The following DNAH6 variants were observed in gnomAD, a reference collection of about 807,000 sequenced individuals.
DNAH6 encodes axonemal beta dynein heavy chain 6.
DNAH6 carries 340 observed loss-of-function variants against 491.4 expected under a neutral mutation model. The ratio of observed to expected loss-of-function variants is 0.69; its 90% confidence interval spans 0.63 to 0.76. The LOEUF (loss-of-function observed/expected upper bound fraction) is 0.76, where lower values mean the gene tolerates loss of function less well. Among genes scored for constraint, DNAH6 ranks in the 30% least tolerant of loss-of-function variants. The pLI, the probability that DNAH6 is intolerant of heterozygous loss-of-function variation, is 0.00. For synonymous variants in DNAH6, 1,603 were observed against 1,686.1 expected (o/e 0.95, Z 1.21); for missense variants, 4,443 against 4,972.2 (o/e 0.89, Z 3.20).
In DNAH6 at chr2:84,694,369, T is replaced by A. The variant is rs914885350; in HGVS notation, c.7413T>A (p.Ile2471=). The part of the protein sequence containing the change: ...AHICGYKCLQ[I]ELSRGYNYDS... ...TATGCGGTTACAAATGTTTGCAGATTGAACTCAGCCGGGGATATAATTATG... is the reference window on the plus strand; with the variant it reads ...TATGCGGTTACAAATGTTTGCAGATAGAACTCAGCCGGGGATATAATTATG... Residue 2471 remains isoleucine, a synonymous_variant, in exon 46 of 77, where the codon ATT becomes ATA. Coordinates refer to ENST00000389394, the MANE Select transcript of DNAH6 (RefSeq NM_001370.2). The A allele has an allele frequency of 1.3e-6, 2 of 1,552,310 alleles. No homozygotes were observed. Among genetic ancestry groups the A allele is most frequent in the African/African-American group, 2.7e-5 (2 of 73,070 alleles).
intron 19 of DNAH6, 126 bp downstream of exon 19, chr2:84,604,677 C>T: frequency 1.4e-6 from 1 of 702,756 alleles, no homozygotes; most frequent in South Asian, 1.9e-5. Context: ...TCAGTCATCC[C>T]TCTGTTGTTT....
chr2:84,672,518 A>G (rs762124132), intron 40 of DNAH6, 34 bp downstream of exon 40: 1 of 1,520,802 alleles, frequency 6.6e-7, no homozygotes, highest in Non-Finnish European at 8.9e-7. Context: ...TGGTGTGCTT[A>G]AATTTAAATG....
chr2:84,557,251 T>A (rs4831982), intron 10 of DNAH6, among the ~76,000 whole-genome samples: 1 of 152,170 alleles, frequency 6.6e-6, no homozygotes. Flanking sequence ...TGTCCTGAAG[T>A]TAGGGCCATG....
At chr2:84,798,246 G>A (rs1465364182) in intron 70 of DNAH6, among the ~76,000 whole-genome samples, 2 of 152,084 alleles carry the variant, frequency 1.3e-5, no homozygotes, top group Non-Finnish European at 2.9e-5. Context: ...GCTCTCCCAT[G>A]ACCTAGGCCT....
At chr2:84,538,827 T>C (rs1677962653) in intron 4 of DNAH6, among the ~76,000 whole-genome samples, 1 of 152,106 alleles carries the variant, frequency 6.6e-6, no homozygotes. Flanking sequence ...AAGTACTTTT[T>C]AGGCAGCTTT....
In DNAH6 at chr2:84,578,610, A is replaced by G. The variant is rs556780553; in HGVS notation, c.2077-917A>G. ...TTGTCAAAAGCTCCACAAGCCAATT[A>G]TTTGTTTGTATGGAGAGAGACAGAG... On this transcript the variant is annotated intron_variant, in intron 13 of 76. Transcript: ENST00000389394. 6.6e-5 allele frequency among the ~76,000 whole-genome samples: 10 copies of G among 152,294 alleles called. No individual in the cohort carries two copies. In the East Asian group the frequency reaches 1.9e-3, roughly 29 times the overall value.
At chr2:84,689,311 C>G (rs1694611754) in intron 45 of DNAH6, among the ~76,000 whole-genome samples, 1 of 152,164 alleles carries the variant, frequency 6.6e-6, no homozygotes, top group Non-Finnish European at 1.5e-5. Context: ...ACAAGTAAGG[C>G]TCAGAGAATG....
intron 61 of DNAH6, 109 bp from the exon 62 acceptor site, chr2:84,733,335 A>C: frequency 1.1e-6 from 1 of 902,640 alleles, no homozygotes; most frequent in Non-Finnish European, 1.7e-6. Context: ...GTCCTAGGAA[A>C]ATGGTTATTT....
At chr2:84,570,064 C>T (rs531498509) in intron 11 of DNAH6, among the ~76,000 whole-genome samples, 2 of 151,926 alleles carry the variant, frequency 1.3e-5, no homozygotes, top group Admixed American at 6.6e-5. Context: ...TGTATCATTC[C>T]CAATTGAAAG....
At chr2:84,708,477 G>C (rs1420125756) in intron 54 of DNAH6, among the ~76,000 whole-genome samples, 4 of 99,584 alleles carry the variant, frequency 4.0e-5, no homozygotes, top group African/African-American at 1.6e-4. Context: ...AGAGAGAAAG[G>C]GGGGGGGGAG....
intron 29 of DNAH6, among the ~76,000 whole-genome samples, chr2:84,630,785 G>A (rs1266187714): frequency 2.0e-5 from 3 of 152,232 alleles, no homozygotes; most frequent in Non-Finnish European, 2.9e-5. Context: ...GTAATTTGGG[G>A]TTCTTATGTG....
At chr2:84,549,104 AC>A (rs1679078485) in intron 8 of DNAH6, among the ~76,000 whole-genome samples, 1 of 152,164 alleles carries the variant, frequency 6.6e-6, no homozygotes, top group Non-Finnish European at 1.5e-5. Flanking sequence ...ACACCTGCTT[AC>A]CCAACTGGAT....
intron 11 of DNAH6, among the ~76,000 whole-genome samples, chr2:84,570,967 A>G (rs530299023): frequency 6.7e-4 from 102 of 152,266 alleles, no homozygotes; most frequent in African/African-American, 2.4e-3. Flanking sequence ...CACCATCTTT[A>G]AGAGCTGTAA....
At chr2:84,563,795 G>T (rs377744461) in intron 11 of DNAH6, among the ~76,000 whole-genome samples, 8 of 152,000 alleles carry the variant, frequency 5.3e-5, no homozygotes, top group African/African-American at 1.9e-4. Context: ...TATTTTCTAG[G>T]TTTTCTTGTT....
chr2:84,685,402 G>A lies in DNAH6; in HGVS notation c.6993G>A (p.Arg2331=). The change falls in exon 43 of 77, where the codon AGG becomes AGA. Residue 2331 remains arginine, a synonymous_variant. Coordinates refer to ENST00000389394, the MANE Select transcript of DNAH6 (RefSeq NM_001370.2). ...GACTCTTTTGCCATGAGTGCCAAAGGGTCTTCCATGATCGCTTGATTAATA... is the reference window on the plus strand; with the variant it reads ...GACTCTTTTGCCATGAGTGCCAAAGAGTCTTCCATGATCGCTTGATTAATA... ...IFRLFCHECQ[R]VFHDRLINNE... is the part of the protein sequence containing the mutation. 2 of 1,528,450 alleles carry A rather than the reference G, an allele frequency of 1.3e-6. No individual in the cohort carries two copies. The highest frequency in any genetic ancestry group is 1.8e-6 in the Non-Finnish European group (2 of 1,132,116). 94.7% of individuals were successfully genotyped at this position (1,528,450 alleles called of 1,614,324 possible). A position where few individuals can be genotyped will look rare whatever the true frequency, so the allele number is the denominator to read the frequency against.
the DNAH6 span, among the ~76,000 whole-genome samples, chr2:84,497,897 A>G: frequency 6.6e-6 from 1 of 152,172 alleles, no homozygotes; most frequent in Non-Finnish European, 1.5e-5. Context: ...GATCCCTGAA[A>G]AGCAACATGG....
At chr2:84,527,422 A>T (rs1676706771) in intron 3 of DNAH6, among the ~76,000 whole-genome samples, 1 of 152,192 alleles carries the variant, frequency 6.6e-6, no homozygotes, top group Non-Finnish European at 1.5e-5. Context: ...CTCAGAGGAA[A>T]ATATCTAACC....
chr2:84,621,514 T>C lies in DNAH6; in HGVS notation c.4034T>C (p.Ile1345Thr). The C allele has an allele frequency of 6.5e-7, 1 of 1,528,074 alleles. No individual in the cohort carries two copies. Among genetic ancestry groups the C allele is most frequent in the African/African-American group, 1.4e-5 (1 of 72,780 alleles). The allele number at this position is 1,528,074 out of a possible 1,614,324, so 94.7% of individuals were successfully genotyped here. Residue 1345 changes from isoleucine to threonine, a missense_variant, in exon 26 of 77, where the codon ATA becomes ACA. By Grantham distance (89) the Ile-to-Thr change is moderately conservative. Transcript: ENST00000389394. ...ECLETEHSNH[I>T]QALKNFEKVN... ...CTGGAAACAGAACACAGTAATCATA[T>C]ACAGGCCCTGAAGAATTTTGAAAAA...
intron 26 of DNAH6, among the ~76,000 whole-genome samples, chr2:84,622,630 A>G (rs184842097): frequency 2.6e-5 from 4 of 152,284 alleles, no homozygotes; most frequent in East Asian, 1.9e-4. Flanking sequence ...TAATGCTGCA[A>G]TGAACATAGG....
Sources: allele counts gnomAD v4.1 joint callset (sites outside exome capture counted in the v4.1 genomes callset), GRCh38; gene constraint gnomAD v4.1.1; transcripts MANE v1.5; gene names NCBI Gene and HGNC (gene_info 2026-07-23, HGNC 2026-07-21).